KCNK9: variants seen among roughly 807,000 people sequenced by gnomAD.
KCNK9 encodes the protein potassium channel subfamily K member 9.
KCNK9 carries 1 observed loss-of-function variant against 10.8 expected under a neutral mutation model. The ratio of observed to expected loss-of-function variants is 0.09; its 90% CI spans 0.03 to 0.44. The LOEUF (loss-of-function observed/expected upper bound fraction) is 0.44. Among genes scored for constraint, KCNK9 ranks in the 20% least tolerant of loss-of-function variants. The probability of loss-of-function intolerance (pLI) is 0.97; values close to 1 mark genes in which losing one functional copy is unlikely to be tolerated. For missense variants in KCNK9, 303 were observed against 515.0 expected (o/e 0.59, Z 3.98); for synonymous variants, 231 against 222.7 (o/e 1.04, Z -0.33).
chr8:139,630,766 C>A (rs1479343611), intron 1 of KCNK9, among the ~76,000 whole-genome samples: 1 of 152,186 alleles, frequency 6.6e-6, no homozygotes, highest in Non-Finnish European at 1.5e-5. Flanking sequence ...AGCAGGAGGC[C>A]GACAGCAGGG....
chr8:139,691,432 C>A (rs1442762909), intron 1 of KCNK9, among the ~76,000 whole-genome samples: 2 of 152,146 alleles, frequency 1.3e-5, no homozygotes, highest in Non-Finnish European at 2.9e-5. Context: ...TGCAGTGAAG[C>A]CAGAAGACCC....
intron 1 of KCNK9, among the ~76,000 whole-genome samples, chr8:139,636,041 A>G (rs1285886329): frequency 6.6e-6 from 1 of 152,180 alleles, no homozygotes; most frequent in African/African-American, 2.4e-5. Flanking sequence ...CCAAAAGCAC[A>G]CTGTTTCTGG....
chr8:139,660,782 A>G (rs1003779279), intron 1 of KCNK9, among the ~76,000 whole-genome samples: 2 of 152,118 alleles, frequency 1.3e-5, no homozygotes, highest in Admixed American at 1.3e-4. Context: ...TTTTGAGAAG[A>G]TATGTCTTGC....
rs112259549 is a variant in KCNK9 at position 139,650,842 on chromosome 8, G to A, written c.284-31743C>T. Among the ~76,000 whole-genome samples, 559 of 152,244 alleles carry A rather than the reference G, an allele frequency of 3.7e-3. 2 individuals carry two copies. The highest frequency in any genetic ancestry group is 0.013 in the African/African-American group (541 of 41,528). On this transcript the variant is annotated intron_variant, in intron 1 of 1. Coordinates refer to ENST00000520439, the MANE Select transcript of KCNK9 (RefSeq NM_001282534.2). ...CTTCAGGGAGCTGAGCCTGGCCATCGTCATTCGGGGATTCTGGAGCAGAGG... is the reference window on the plus strand; with the variant it reads ...CTTCAGGGAGCTGAGCCTGGCCATCATCATTCGGGGATTCTGGAGCAGAGG...
At chr8:139,681,404 G>T (rs565895328) in intron 1 of KCNK9, among the ~76,000 whole-genome samples, 2 of 152,342 alleles carry the variant, frequency 1.3e-5, no homozygotes, top group South Asian at 4.1e-4. Context: ...CAGGAGGCAG[G>T]GACCATGTCA....
chr8:139,616,774 G>A (rs979107548), downstream of KCNK9: 1 of 152,188 alleles, frequency 6.6e-6, no homozygotes, highest in African/African-American at 2.4e-5. Flanking sequence ...ATGGATGAAT[G>A]GGTGATTTTT....
intron 1 of KCNK9, among the ~76,000 whole-genome samples, chr8:139,683,582 G>A (rs10101080): frequency 0.032 from 4,803 of 151,098 alleles, 260 homozygotes; most frequent in African/African-American, 0.11. Flanking sequence ...AAGCCCAGAC[G>A]GGGAAGCCAG....
chr8:139,688,667 A>G (rs1238890906), intron 1 of KCNK9, among the ~76,000 whole-genome samples: 4 of 152,246 alleles, frequency 2.6e-5, no homozygotes, highest in Non-Finnish European at 4.4e-5. Flanking sequence ...CCACTTGACC[A>G]TGGCAGGCTT....
chr8:139,672,287 A>G (rs1816447099), intron 1 of KCNK9, among the ~76,000 whole-genome samples: 1 of 152,162 alleles, frequency 6.6e-6, no homozygotes, highest in Non-Finnish European at 1.5e-5. Flanking sequence ...GGGCTGGCAC[A>G]ACGATTCCTT....
At chr8:139,627,268 C>T (rs912976737) in intron 1 of KCNK9, among the ~76,000 whole-genome samples, 11 of 152,280 alleles carry the variant, frequency 7.2e-5, no homozygotes, top group Admixed American at 6.5e-4. Flanking sequence ...GGTGGTGTGT[C>T]AAGTCCTCCT....
intron 2 of KCNK9, among the ~76,000 whole-genome samples, chr8:139,605,638 G>A (rs1363452098): frequency 6.6e-6 from 1 of 152,170 alleles, no homozygotes; most frequent in Non-Finnish European, 1.5e-5. Flanking sequence ...TTGTAAACGT[G>A]CCATAGAGAT....
At position 139,697,338 on chromosome 8, in the gene KCNK9, A is replaced by G. The variant is rs547995116; in HGVS notation, c.283+5372T>C. On this transcript the variant is annotated intron_variant, in intron 1 of 1. Transcript: ENST00000520439. ...TGGGTGGATGAATGGTGAATGGGTG[A>G]GTGGATGGTTGGATGGATGGATGGA... is the stretch of plus-strand genomic sequence containing the variant. 6.0e-4 allele frequency among the ~76,000 whole-genome samples: 78 copies of G among 128,946 alleles called. 1 individual carries two copies. The highest frequency in any genetic ancestry group is 5.7e-3 in the East Asian group (21 of 3,666). 84.6% of individuals were successfully genotyped at this position (128,946 alleles called of 152,430 possible). A position where few individuals can be genotyped will look rare whatever the true frequency, so the allele number is the denominator to read the frequency against.
chr8:139,670,431 A>T (rs1816400813), intron 1 of KCNK9, among the ~76,000 whole-genome samples: 1 of 152,192 alleles, frequency 6.6e-6, no homozygotes, highest in Admixed American at 6.5e-5. Flanking sequence ...AAATAAAAAT[A>T]AAAAAAGCAG....
intron 1 of KCNK9, among the ~76,000 whole-genome samples, chr8:139,659,830 C>T (rs190258078): frequency 3.8e-4 from 58 of 151,836 alleles, no homozygotes; most frequent in African/African-American, 1.1e-3. Context: ...CCTATTCTTA[C>T]GAGATAAAGC....
At chr8:139,667,816 G>A (rs1465241166) in intron 1 of KCNK9, among the ~76,000 whole-genome samples, 2 of 152,092 alleles carry the variant, frequency 1.3e-5, no homozygotes, top group African/African-American at 4.8e-5. Flanking sequence ...GGGAGGCAGA[G>A]CTTGCAGTGA....
intron 1 of KCNK9, among the ~76,000 whole-genome samples, chr8:139,668,797 C>T (rs888211028): frequency 1.3e-5 from 2 of 152,196 alleles, no homozygotes; most frequent in African/African-American, 2.4e-5. Context: ...TTCACTTTCT[C>T]GTGGTGATCT....
At chr8:139,612,691 A>G (rs1275422141), downstream of KCNK9, 2 of 152,234 alleles carry the variant, frequency 1.3e-5, no homozygotes, top group African/African-American at 4.8e-5. Context: ...GAGGAAAACA[A>G]CATTTAATAT....
intron 2 of KCNK9, among the ~76,000 whole-genome samples, chr8:139,607,232 T>G (rs964356128): frequency 2.6e-5 from 4 of 152,220 alleles, no homozygotes; most frequent in Non-Finnish European, 5.9e-5. Flanking sequence ...TTCCCATTCC[T>G]GCTCCCTGCT....
At chr8:139,694,224 G>C (rs1363108328) in intron 1 of KCNK9, among the ~76,000 whole-genome samples, 2 of 152,190 alleles carry the variant, frequency 1.3e-5, no homozygotes, top group Admixed American at 1.3e-4. Context: ...AGAGTGGACA[G>C]AGCACAACCA....
Sources: gnomAD v4.1 joint callset for allele counts (sites outside exome capture counted in the v4.1 genomes callset) on GRCh38, gnomAD v4.1.1 for gene constraint, MANE v1.5 for transcripts, NCBI Gene and HGNC (gene_info 2026-07-23, HGNC 2026-07-21) for gene names.